KCNQ3: variants seen among roughly 807,000 people sequenced by gnomAD.
KCNQ3 encodes potassium voltage-gated channel subfamily KQT member 3.
In KCNQ3, 30 loss-of-function variants were observed where a neutral mutation model predicts 92.5. The ratio of observed to expected loss-of-function variants is 0.32; its 90% CI spans 0.24 to 0.44. The LOEUF (loss-of-function observed/expected upper bound fraction) is 0.44, where lower values mean the gene tolerates loss of function less well. Ranked by LOEUF, KCNQ3 falls within the 20% of genes least tolerant of loss-of-function variation. The pLI is 1.00. For missense variants in KCNQ3, 913 were observed against 1,140.3 expected (o/e 0.80, Z 2.87); for synonymous variants, 450 against 468.8 (o/e 0.96, Z 0.52).
chr8:132,395,623 ATGT>A (rs1308461887), intron 1 of KCNQ3, among the ~76,000 whole-genome samples: 17 of 152,222 alleles, frequency 1.1e-4, no homozygotes, highest in Admixed American at 2.6e-4. Flanking sequence ...GAGTAACAAC[ATGT>A]TGTGTTTATC....
At chr8:132,432,011 C>T (rs1388159580) in intron 1 of KCNQ3, among the ~76,000 whole-genome samples, 1 of 152,240 alleles carries the variant, frequency 6.6e-6, no homozygotes, top group Non-Finnish European at 1.5e-5. Context: ...ATTTAAAGCA[C>T]ATCTCCCTCA....
intron 1 of KCNQ3, among the ~76,000 whole-genome samples, chr8:132,343,942 AGACTGTGGCT>A (rs11279029): frequency 0.17 from 25,395 of 152,158 alleles, 2,526 homozygotes; most frequent in African/African-American, 0.28. Context: ...TCCAATTTTA[AGACTGTGGCT>A]GAACAGATGA....
intron 1 of KCNQ3, among the ~76,000 whole-genome samples, chr8:132,242,118 T>C (rs1359365741): frequency 2.6e-5 from 4 of 152,204 alleles, no homozygotes; most frequent in African/African-American, 9.6e-5. Flanking sequence ...GAAAGTAATA[T>C]CTATTTGAGT....
At chr8:132,323,505 C>A (rs1817953428) in intron 1 of KCNQ3, among the ~76,000 whole-genome samples, 1 of 152,174 alleles carries the variant, frequency 6.6e-6, no homozygotes, top group African/African-American at 2.4e-5. Flanking sequence ...AGTTTACTGA[C>A]CTTTGACATG....
intron 1 of KCNQ3, among the ~76,000 whole-genome samples, chr8:132,274,535 C>T (rs2130508384): frequency 6.6e-6 from 1 of 152,294 alleles, no homozygotes; most frequent in Non-Finnish European, 1.5e-5. Context: ...ACTAGCCTGC[C>T]ACCCCTTTCT....
intron 1 of KCNQ3, among the ~76,000 whole-genome samples, chr8:132,219,986 A>G (rs1814168814): frequency 6.6e-6 from 1 of 152,084 alleles, no homozygotes; most frequent in Admixed American, 6.5e-5. Flanking sequence ...CATGAATCCC[A>G]AAAACCTTGA....
intron 1 of KCNQ3, among the ~76,000 whole-genome samples, chr8:132,384,862 C>T (rs901435628): frequency 2.6e-5 from 4 of 152,208 alleles, no homozygotes; most frequent in South Asian, 2.1e-4. Context: ...CTGATAGTAC[C>T]TATTTCACAG....
chr8:132,378,219 C>T (rs1269920085), intron 1 of KCNQ3, among the ~76,000 whole-genome samples: 1 of 151,922 alleles, frequency 6.6e-6, no homozygotes, highest in African/African-American at 2.4e-5. Context: ...CATGGTGAAA[C>T]CTCGTCCCTA....
intron 1 of KCNQ3, among the ~76,000 whole-genome samples, chr8:132,294,093 C>A (rs1215475162): frequency 6.6e-6 from 1 of 150,722 alleles, no homozygotes; most frequent in Non-Finnish European, 1.5e-5. Flanking sequence ...CTCCGCCTCC[C>A]GGGTTCACGC....
intron 1 of KCNQ3, among the ~76,000 whole-genome samples, chr8:132,370,362 C>T (rs539161462): frequency 1.3e-5 from 2 of 152,188 alleles, no homozygotes; most frequent in African/African-American, 2.4e-5. Flanking sequence ...AGAAAGCTGA[C>T]CCCACAGCAG....
intron 1 of KCNQ3, among the ~76,000 whole-genome samples, chr8:132,410,350 A>T (rs1011790299): frequency 6.6e-6 from 1 of 152,244 alleles, no homozygotes; most frequent in African/African-American, 2.4e-5. Flanking sequence ...GAGGAAGAAG[A>T]TAGGCCAAGA....
At chr8:132,228,784 G>A (rs145537794) in intron 1 of KCNQ3, among the ~76,000 whole-genome samples, 88 of 151,124 alleles carry the variant, frequency 5.8e-4, no homozygotes, top group African/African-American at 2.1e-3. Flanking sequence ...AGAGGCAAGC[G>A]AAGAAAAGGA....
At chr8:132,350,053 G>A (rs190091030) in intron 1 of KCNQ3, among the ~76,000 whole-genome samples, 2 of 152,344 alleles carry the variant, frequency 1.3e-5, no homozygotes, top group East Asian at 3.9e-4. Flanking sequence ...AAAAGGAGCA[G>A]TGAACATTAC....
chr8:132,170,079 G>T (rs567710828), intron 8 of KCNQ3, among the ~76,000 whole-genome samples: 3 of 152,096 alleles, frequency 2.0e-5, no homozygotes, highest in South Asian at 2.1e-4. Context: ...CACCATGTTG[G>T]CCAGGCTGGT....
chr8:132,198,577 G>A (rs1563800853), intron 1 of KCNQ3, among the ~76,000 whole-genome samples: 2 of 152,152 alleles, frequency 1.3e-5, no homozygotes, highest in African/African-American at 2.4e-5. Context: ...TGGGAGCTGA[G>A]GCGGGTGGAT....
At chr8:132,240,182 CTTTTTTTTTT>C (rs11342824) in intron 1 of KCNQ3, among the ~76,000 whole-genome samples, 2 of 111,908 alleles carry the variant, frequency 1.8e-5, no homozygotes, top group African/African-American at 6.8e-5. Context: ...TGCCATGATT[CTTTTTTTTTT>C]TTTTTTTTTT....
At chr8:132,441,569 C>A (rs1468593838) in intron 1 of KCNQ3, among the ~76,000 whole-genome samples, 1 of 138,760 alleles carries the variant, frequency 7.2e-6, no homozygotes, top group Non-Finnish European at 1.5e-5. Context: ...AAACAAAAAT[C>A]AAAAAACAAA....
At chr8:132,208,490 A>G (rs774705073) in intron 1 of KCNQ3, among the ~76,000 whole-genome samples, 3 of 152,148 alleles carry the variant, frequency 2.0e-5, no homozygotes, top group Non-Finnish European at 4.4e-5. Context: ...TGTTGGCCCT[A>G]CTATTCCCAA....
intron 1 of KCNQ3, among the ~76,000 whole-genome samples, chr8:132,371,965 C>T (rs571527306): frequency 5.9e-5 from 9 of 152,184 alleles, no homozygotes; most frequent in African/African-American, 1.9e-4. Context: ...TTTAAGATAC[C>T]GTTTTGCACA....
Sources: allele counts gnomAD v4.1 joint callset (sites outside exome capture counted in the v4.1 genomes callset), GRCh38; gene constraint gnomAD v4.1.1; transcripts MANE v1.5; gene names NCBI Gene and HGNC (gene_info 2026-07-23, HGNC 2026-07-21).